CNTNAP5: variants seen among roughly 807,000 people sequenced by gnomAD.
CNTNAP5 encodes the protein contactin associated protein family member 5.
CNTNAP5 carries 72 observed loss-of-function variants against 150.2 expected under a neutral mutation model. That is an observed-to-expected ratio of 0.48 (90% CI 0.40 to 0.58). The LOEUF is 0.58. CNTNAP5 is among the 20% of genes least tolerant of loss of function. The probability of loss-of-function intolerance (pLI) is 0.00; values close to 1 mark genes in which losing one functional copy is unlikely to be tolerated. For missense variants in CNTNAP5, 1,636 were observed against 1,626.2 expected, an observed-to-expected ratio of 1.01 and a Z score of -0.10; for synonymous variants, 672 against 619.8, an observed-to-expected ratio of 1.08 and a Z score of -1.25.
At chr2:124,260,447 A>C (rs566811874) in intron 3 of CNTNAP5, among the ~76,000 whole-genome samples, 1 of 152,248 alleles carries the variant, frequency 6.6e-6, no homozygotes, top group Admixed American at 6.5e-5. Context: ...CATTCAGGAC[A>C]TAGGAATGGG....
intron 3 of CNTNAP5, among the ~76,000 whole-genome samples, chr2:124,288,050 C>T (rs1410305672): frequency 1.3e-5 from 2 of 152,168 alleles, no homozygotes; most frequent in African/African-American, 2.4e-5. Context: ...CCACCTCAGC[C>T]TCTCAAGTAG....
At chr2:124,578,450 G>A (rs953313266) in intron 11 of CNTNAP5, among the ~76,000 whole-genome samples, 8 of 152,000 alleles carry the variant, frequency 5.3e-5, no homozygotes, top group African/African-American at 1.2e-4. Flanking sequence ...CACAGTCTTG[G>A]AACTGTACAC....
intron 8 of CNTNAP5, among the ~76,000 whole-genome samples, chr2:124,515,810 T>TA (rs1234073765): frequency 6.6e-6 from 1 of 152,152 alleles, no homozygotes; most frequent in Non-Finnish European, 1.5e-5. Context: ...GGAATTCTTG[T>TA]AAGGATTTTG....
intron 1 of CNTNAP5, among the ~76,000 whole-genome samples, chr2:124,128,476 G>C (rs1292195530): frequency 1.3e-5 from 2 of 152,166 alleles, no homozygotes; most frequent in Non-Finnish European, 2.9e-5. Context: ...CTGTAAACTA[G>C]TTAAACCATT....
At chr2:124,229,085 A>ACTCATGTC (rs1443493144) in intron 2 of CNTNAP5, among the ~76,000 whole-genome samples, 4 of 152,132 alleles carry the variant, frequency 2.6e-5, no homozygotes, top group African/African-American at 9.7e-5. Context: ...ACTCAGGTAG[A>ACTCATGTC]CTCATGTCTG....
chr2:124,741,632 T>C (rs1264686978), intron 13 of CNTNAP5, among the ~76,000 whole-genome samples: 1 of 152,216 alleles, frequency 6.6e-6, no homozygotes, highest in Non-Finnish European at 1.5e-5. Flanking sequence ...CTGCATATAA[T>C]ATATACATAT....
intron 1 of CNTNAP5, among the ~76,000 whole-genome samples, chr2:124,030,648 C>T (rs1250812641): frequency 6.6e-6 from 1 of 151,388 alleles, no homozygotes; most frequent in South Asian, 2.1e-4. Flanking sequence ...TCCAGAGTCA[C>T]ATCTAAAAGA....
rs3034804 is a variant in CNTNAP5, at chr2:124,443,813, C to CGTGTGTGTGT, written c.734-2910_734-2901dup. Among the ~76,000 whole-genome samples the CGTGTGTGTGT allele has an allele frequency of 1.3e-3, 182 of 143,820 alleles. 2 individuals carry two copies. Among genetic ancestry groups the CGTGTGTGTGT allele is most frequent in the African/African-American group, 3.5e-3 (135 of 38,622 alleles). The allele number at this position is 143,820 out of a possible 152,430, so 94.4% of individuals were successfully genotyped here. A position where few individuals can be genotyped will look rare whatever the true frequency, so the allele number is the denominator to read the frequency against. On this transcript the variant is annotated intron_variant, in intron 5 of 23. Coordinates refer to ENST00000682447, the MANE Select transcript of CNTNAP5 (RefSeq NM_001367498.1). ...TTGGGGAAAGGGTGTAATTCCTTGC[C>CGTGTGTGTGT]GTGTGTGTGTGTGTGTGTGTGTGTG...
At chr2:124,053,334 T>C (rs965576205) in intron 1 of CNTNAP5, among the ~76,000 whole-genome samples, 17 of 140,652 alleles carry the variant, frequency 1.2e-4, no homozygotes, top group African/African-American at 4.1e-4. Flanking sequence ...TTTCTATTTA[T>C]TTGTTCTGCT....
chr2:124,510,432 A>G (rs1694550275), intron 8 of CNTNAP5, among the ~76,000 whole-genome samples: 1 of 137,432 alleles, frequency 7.3e-6, no homozygotes, highest in Non-Finnish European at 1.6e-5. Flanking sequence ...TGACAGAGCA[A>G]GACTCCATCA....
At position 124,288,996 on chromosome 2, in the gene CNTNAP5, A is replaced by G. The variant is rs1688220645; in HGVS notation, c.381+46603A>G. Among the ~76,000 whole-genome samples, 4 of 152,202 alleles carry G rather than the reference A, an allele frequency of 2.6e-5. No individual in the cohort carries two copies. The South Asian group carries it at 8.3e-4, about 31-fold the overall frequency. ...TTTTTAAGTCCTCTGTCAAACCATA[A>G]GACTTTAGAATTTTACAATTCAGTT... is the stretch of plus-strand genomic sequence containing the variant. On this transcript the variant is annotated intron_variant, in intron 3 of 23. Transcript: ENST00000682447.
intron 11 of CNTNAP5, among the ~76,000 whole-genome samples, chr2:124,587,610 C>T (rs916797247): frequency 6.6e-6 from 1 of 152,078 alleles, no homozygotes; most frequent in African/African-American, 2.4e-5. Flanking sequence ...GGGATTGTTG[C>T]AATAGTCTCC....
At chr2:124,129,144 T>C (rs1683787212) in intron 1 of CNTNAP5, among the ~76,000 whole-genome samples, 1 of 151,802 alleles carries the variant, frequency 6.6e-6, no homozygotes, top group Non-Finnish European at 1.5e-5. Flanking sequence ...CAACAAAATA[T>C]TTGCGTTTAA....
chr2:124,919,351 AAAGCAC>A lies in CNTNAP5; in HGVS notation c.*5065_*5070del, dbSNP rs1275481885. 6.6e-6 allele frequency among the ~76,000 whole-genome samples: 1 copy of A among 152,146 alleles called. No individual in the cohort carries two copies. The highest frequency in any genetic ancestry group is 1.5e-5 in the Non-Finnish European group (1 of 68,006). The stretch of plus-strand genomic sequence containing the variant: ...CTAAGGTACTCTGAGGAAGAACAGA[AAAGCAC>A]ATTTTCTAGTGAAATATTGTACTTT... On this transcript the variant is annotated 3_prime_UTR_variant, in exon 24 of 24. Coordinates refer to ENST00000682447, the MANE Select transcript of CNTNAP5 (RefSeq NM_001367498.1).
intron 13 of CNTNAP5, among the ~76,000 whole-genome samples, chr2:124,670,387 A>C (rs1678797056): frequency 6.6e-6 from 1 of 151,774 alleles, no homozygotes; most frequent in African/African-American, 2.4e-5. Flanking sequence ...AAAAATGTCT[A>C]CTCAGCTCCT....
At chr2:124,434,452 A>T in intron 4 of CNTNAP5, 32 bp from the exon 5 acceptor site, 1 of 1,547,868 alleles carries the variant, frequency 6.5e-7, no homozygotes, top group Non-Finnish European at 8.9e-7. Context: ...ATATGCACTA[A>T]TTTTTCTTTC....
intron 3 of CNTNAP5, among the ~76,000 whole-genome samples, chr2:124,304,632 G>C (rs1688636964): frequency 6.6e-6 from 1 of 152,112 alleles, no homozygotes; most frequent in South Asian, 2.1e-4. Flanking sequence ...AATGTTGAGA[G>C]TCAATTGGAA....
At chr2:124,835,333 A>G (rs1011864674) in intron 19 of CNTNAP5, among the ~76,000 whole-genome samples, 4 of 152,050 alleles carry the variant, frequency 2.6e-5, no homozygotes, top group Non-Finnish European at 5.9e-5. Flanking sequence ...TTGGGTCTCA[A>G]TTATTGCCCT....
chr2:124,415,445 A>G (rs1044078422), intron 3 of CNTNAP5, among the ~76,000 whole-genome samples: 2 of 152,252 alleles, frequency 1.3e-5, no homozygotes, highest in Non-Finnish European at 2.9e-5. Flanking sequence ...AAGATTATGC[A>G]AGATAACCTA....
Sources: allele counts gnomAD v4.1 joint callset (sites outside exome capture counted in the v4.1 genomes callset), GRCh38; gene constraint gnomAD v4.1.1; transcripts MANE v1.5; gene names NCBI Gene and HGNC (gene_info 2026-07-23, HGNC 2026-07-21).